STK32B: variants seen among roughly 807,000 people sequenced by gnomAD.
STK32B encodes serine/threonine kinase 32B.
In STK32B, 43 loss-of-function variants were observed where a neutral mutation model predicts 52.6. The observed-to-expected ratio is 0.82, with a 90% CI of 0.64 to 1.05. The LOEUF (loss-of-function observed/expected upper bound fraction) is 1.05. Ranked by LOEUF, STK32B falls within the 50% of genes least tolerant of loss-of-function variation. The pLI, the probability that STK32B is intolerant of heterozygous loss-of-function variation, is 0.00. For missense variants in STK32B, 621 were observed against 534.6 expected, an observed-to-expected ratio of 1.16 and a Z score of -1.59; for synonymous variants, 238 against 204.3, an observed-to-expected ratio of 1.17 and a Z score of -1.41.
rs943386473 is a variant in STK32B at position 5,456,727 on chromosome 4, A to G, written c.667-80A>G. The G allele has an allele frequency of 1.4e-5, 17 of 1,249,744 alleles. No homozygotes were observed. The African/African-American group carries it at 2.1e-4, about 15-fold the overall frequency. The allele number at this position is 1,249,744 out of a possible 1,614,324, so 77.4% of individuals were successfully genotyped here. A position where few individuals can be genotyped will look rare whatever the true frequency, so the allele number is the denominator to read the frequency against. ...GAAGAGGAAGAATAAACCATCCCTCATAATCATACAATCTTAAAATGCGGA... is the reference window on the plus strand; with the variant it reads ...GAAGAGGAAGAATAAACCATCCCTCGTAATCATACAATCTTAAAATGCGGA... On this transcript the variant is annotated intron_variant, in intron 7 of 11. Transcript: ENST00000282908.
the STK32B span, chr4:5,019,603 G>T: frequency 2.7e-6 from 2 of 732,554 alleles, no homozygotes; most frequent in Non-Finnish European, 3.9e-6. Context: ...GGCAGGGTCG[G>T]GACAGGAATC....
Position 5,161,456 on chromosome 4 carries a change from G to A in STK32B, c.109-6843G>A, listed in dbSNP as rs117482012. ...CTTTCTTGGCCTCATGATCACAAGG[G>A]GCTGCTGTTGTTCCAGACATTACAT... On this transcript the variant is annotated intron_variant, in intron 2 of 11. Transcript: ENST00000282908. 2.3e-3 allele frequency among the ~76,000 whole-genome samples: 352 copies of A among 152,256 alleles called. 3 individuals are homozygous for A. In the East Asian group the frequency reaches 0.025, roughly 11 times the overall value.
At chr4:5,259,664 C>A (rs1296525515) in intron 3 of STK32B, among the ~76,000 whole-genome samples, 1 of 152,166 alleles carries the variant, frequency 6.6e-6, no homozygotes, top group Admixed American at 6.5e-5. Flanking sequence ...ATTTTCAAAA[C>A]CTGTTTCCTT....
At chr4:5,357,569 A>C (rs1167516466) in intron 4 of STK32B, among the ~76,000 whole-genome samples, 1 of 152,164 alleles carries the variant, frequency 6.6e-6, no homozygotes, top group East Asian at 1.9e-4. Flanking sequence ...ACATTCTAAA[A>C]AAAAAAATGT....
intron 8 of STK32B, among the ~76,000 whole-genome samples, chr4:5,459,383 C>G (rs1716854686): frequency 6.6e-6 from 1 of 152,038 alleles, no homozygotes; most frequent in African/African-American, 2.4e-5. Flanking sequence ...CATTATTCCC[C>G]CTGCTTTCAG....
At chr4:5,249,909 C>T (rs1488000197) in intron 3 of STK32B, among the ~76,000 whole-genome samples, 2 of 152,150 alleles carry the variant, frequency 1.3e-5, no homozygotes, top group Non-Finnish European at 2.9e-5. Flanking sequence ...TCCTCACTCT[C>T]CTCCCACCCT....
intron 3 of STK32B, among the ~76,000 whole-genome samples, chr4:5,308,434 A>G (rs1730071363): frequency 6.6e-6 from 1 of 152,112 alleles, no homozygotes; most frequent in African/African-American, 2.4e-5. Context: ...TAAGTAATCT[A>G]CACTCTTCCG....
At chr4:5,372,141 C>T (rs561804125) in intron 4 of STK32B, among the ~76,000 whole-genome samples, 1 of 152,222 alleles carries the variant, frequency 6.6e-6, no homozygotes, top group Non-Finnish European at 1.5e-5. Context: ...GAGGAGAATG[C>T]ATACCTGCAG....
intron 9 of STK32B, among the ~76,000 whole-genome samples, chr4:5,461,639 GC>G (rs1309539064): frequency 6.6e-6 from 1 of 152,186 alleles, no homozygotes; most frequent in Non-Finnish European, 1.5e-5. Context: ...CACCTGCTTA[GC>G]CAGTTCACCT....
chr4:5,195,092 C>T (rs921388692), intron 3 of STK32B, among the ~76,000 whole-genome samples: 1 of 152,050 alleles, frequency 6.6e-6, no homozygotes, highest in Non-Finnish European at 1.5e-5. Flanking sequence ...CTTTTCTAGA[C>T]AGGGTTGTCT....
chr4:5,218,601 G>A (rs1342447507), intron 3 of STK32B, among the ~76,000 whole-genome samples: 1 of 152,150 alleles, frequency 6.6e-6, no homozygotes, highest in African/African-American at 2.4e-5. Flanking sequence ...CAGACATGCT[G>A]GCCTCCTCAT....
rs34628636 is a variant in STK32B, at chr4:5,176,438, C to CTTTT, written c.260+8007_260+8010dup. On this transcript the variant is annotated intron_variant, in intron 3 of 11. Transcript: ENST00000282908. ...GGAGCTGTTCCTATTCGGCCATCATCTTTTTTTTTTTTTTTTTTTTTTAAG... is the reference window on the plus strand; with the variant it reads ...GGAGCTGTTCCTATTCGGCCATCATCTTTTTTTTTTTTTTTTTTTTTTTTTTAAG... Among the ~76,000 whole-genome samples, 25 of 111,942 alleles carry CTTTT rather than the reference C, an allele frequency of 2.2e-4. 1 individual carries two copies. The highest frequency in any genetic ancestry group is 6.4e-4 in the African/African-American group (18 of 28,036). 73.4% of individuals were successfully genotyped at this position (111,942 alleles called of 152,430 possible).
chr4:5,243,185 C>G (rs555601821), intron 3 of STK32B, among the ~76,000 whole-genome samples: 1,863 of 152,200 alleles, frequency 0.012, 42 homozygotes, highest in African/African-American at 0.043. Flanking sequence ...GCCATTTTCA[C>G]GATATTGATT....
rs1273577036 is a variant in STK32B at position 5,398,315 on chromosome 4, G to A, written c.472+71G>A. The A allele has an allele frequency of 1.3e-6, 2 of 1,550,700 alleles. No homozygotes were observed. The highest frequency in any genetic ancestry group is 1.1e-5 in the South Asian group (1 of 88,160). On this transcript the variant is annotated intron_variant, in intron 5 of 11. Coordinates refer to ENST00000282908, the MANE Select transcript of STK32B (RefSeq NM_018401.3). The surrounding 1 kb of genome is among the most constrained non-coding windows in gnomAD (Gnocchi z 4.9). ...TGAGGCACTGGGAAATAGTGCGGGG[G>A]TGGGGGTTGGGTCTTGCTGAGTTGG...
the STK32B span, among the ~76,000 whole-genome samples, chr4:5,043,916 A>G: frequency 1.3e-5 from 2 of 152,226 alleles, no homozygotes; most frequent in Non-Finnish European, 2.9e-5. Flanking sequence ...GAAGGAAGAA[A>G]TGAGAGTAAG....
intron 2 of STK32B, among the ~76,000 whole-genome samples, chr4:5,141,427 G>A (rs550617664): frequency 3.2e-4 from 49 of 152,354 alleles, no homozygotes; most frequent in African/African-American, 1.2e-3. Flanking sequence ...AGTGGTGCAA[G>A]GTGAGGTCAG....
chr4:5,159,722 TA>T (rs2108723118), intron 2 of STK32B, among the ~76,000 whole-genome samples: 1 of 119,856 alleles, frequency 8.3e-6, no homozygotes, highest in South Asian at 2.4e-4. Flanking sequence ...TATATGAATG[TA>T]TATGAATATA....
chr4:5,413,866 T>A (rs1386924862), intron 5 of STK32B, among the ~76,000 whole-genome samples: 1 of 152,226 alleles, frequency 6.6e-6, no homozygotes, highest in South Asian at 2.1e-4. Context: ...GCTGGCAAAG[T>A]GCAGAGAAAT....
chr4:5,130,126 G>A (rs575540627), intron 1 of STK32B, among the ~76,000 whole-genome samples: 1 of 151,668 alleles, frequency 6.6e-6, no homozygotes, highest in South Asian at 2.1e-4. Context: ...ACCAAGGGAG[G>A]TGACCCAAAT....
Sources: allele counts gnomAD v4.1 joint callset (sites outside exome capture counted in the v4.1 genomes callset), GRCh38; gene constraint gnomAD v4.1.1; non-coding constraint Gnocchi (gnomAD v3.1); transcripts MANE v1.5; gene names NCBI Gene and HGNC (gene_info 2026-07-23, HGNC 2026-07-21).